The following KCNIP4 variants were observed in gnomAD, a reference collection of about 807,000 sequenced individuals.
The protein encoded by KCNIP4 is Kv channel-interacting protein 4.
KCNIP4 carries 12 observed loss-of-function variants against 34.0 expected under a neutral mutation model. That is an observed-to-expected ratio of 0.35 (90% CI 0.23 to 0.57). The LOEUF (loss-of-function observed/expected upper bound fraction) is 0.57, where lower values mean the gene tolerates loss of function less well. KCNIP4 is among the 20% of genes least tolerant of loss of function. The pLI is 0.83. For synonymous variants in KCNIP4, 124 were observed against 102.2 expected (o/e 1.21, Z -1.29); for missense variants, 238 against 311.7 (o/e 0.76, Z 1.78).
At chr4:21,279,697 T>C (rs1347579266) in intron 1 of KCNIP4, among the ~76,000 whole-genome samples, 1 of 152,048 alleles carries the variant, frequency 6.6e-6, no homozygotes, top group Non-Finnish European at 1.5e-5. Context: ...TAGATGGACC[T>C]CCCTGTTGAT....
chr4:21,003,916 A>G (rs1209508049), intron 1 of KCNIP4, among the ~76,000 whole-genome samples: 1 of 152,182 alleles, frequency 6.6e-6, no homozygotes, highest in East Asian at 1.9e-4. Context: ...GAACGATTAG[A>G]AATTCCATAT....
intron 1 of KCNIP4, among the ~76,000 whole-genome samples, chr4:20,971,584 A>G (rs1734957761): frequency 6.6e-6 from 1 of 152,220 alleles, no homozygotes; most frequent in African/African-American, 2.4e-5. Context: ...CTGTAATTTA[A>G]AAATACTTTA....
rs529896152 is a variant in KCNIP4 at position 21,315,889 on chromosome 4, C to T, written c.62-433180G>A. ...ATATTTCATTTTGCAGAATGAAATCCGAAGTCATGGCAAGGCATTCAAAAC... is the reference window on the plus strand; with the variant it reads ...ATATTTCATTTTGCAGAATGAAATCTGAAGTCATGGCAAGGCATTCAAAAC... On this transcript the variant is annotated intron_variant, in intron 1 of 8. Transcript: ENST00000382152. Among the ~76,000 whole-genome samples the T allele has an allele frequency of 1.4e-4, 21 of 152,186 alleles. No homozygotes were observed. The South Asian group carries it at 3.1e-3, about 23-fold the overall frequency.
chr4:21,071,293 G>T (rs184181704), intron 1 of KCNIP4, among the ~76,000 whole-genome samples: 1 of 152,056 alleles, frequency 6.6e-6, no homozygotes, highest in Non-Finnish European at 1.5e-5. Context: ...TAAGATTGAG[G>T]TTCATTCTGT....
intron 1 of KCNIP4, among the ~76,000 whole-genome samples, chr4:21,806,374 T>C (rs1279814039): frequency 6.6e-6 from 1 of 152,208 alleles, no homozygotes; most frequent in African/African-American, 2.4e-5. Context: ...TTGAATTATT[T>C]CAACAGTGAC....
At chr4:21,298,321 T>C (rs554531157) in intron 1 of KCNIP4, among the ~76,000 whole-genome samples, 22 of 152,268 alleles carry the variant, frequency 1.4e-4, no homozygotes, top group South Asian at 1.2e-3. Flanking sequence ...TAAAACCCAA[T>C]TGATGCTTGT....
intron 1 of KCNIP4, among the ~76,000 whole-genome samples, chr4:21,680,410 A>C (rs1750255112): frequency 6.6e-6 from 1 of 152,136 alleles, no homozygotes; most frequent in South Asian, 2.1e-4. Context: ...GAACCTCTCA[A>C]AGTCACCCAT....
chr4:20,742,331 A>G (rs1156929263), intron 5 of KCNIP4, among the ~76,000 whole-genome samples: 1 of 152,188 alleles, frequency 6.6e-6, no homozygotes, highest in Non-Finnish European at 1.5e-5. Context: ...AAATATTAGC[A>G]AACCGAATCC....
At chr4:20,816,860 T>C (rs1000975234) in intron 3 of KCNIP4, among the ~76,000 whole-genome samples, 1 of 152,224 alleles carries the variant, frequency 6.6e-6, no homozygotes, top group African/African-American at 2.4e-5. Context: ...CTCAATCAGC[T>C]ATTCTGTTTC....
intron 1 of KCNIP4, among the ~76,000 whole-genome samples, chr4:21,681,898 A>T (rs71607090): frequency 0.25 from 37,491 of 150,034 alleles, 5,994 homozygotes; most frequent in African/African-American, 0.46. Flanking sequence ...TTATTTATTT[A>T]TTTTTTTTGA....
intron 4 of KCNIP4, among the ~76,000 whole-genome samples, chr4:20,753,379 C>T (rs1480385366): frequency 2.0e-5 from 3 of 152,130 alleles, no homozygotes; most frequent in African/African-American, 7.2e-5. Context: ...AAGTAAACTA[C>T]TCGAGGTTAC....
chr4:21,169,079 G>A (rs116510543), intron 1 of KCNIP4, among the ~76,000 whole-genome samples: 1,539 of 152,288 alleles, frequency 0.01, 28 homozygotes, highest in African/African-American at 0.035. Context: ...GTGAAGAGTT[G>A]ATGTACGTGC....
chr4:21,477,371 TA>T (rs1180909596), intron 1 of KCNIP4, among the ~76,000 whole-genome samples: 1 of 152,148 alleles, frequency 6.6e-6, no homozygotes, highest in Non-Finnish European at 1.5e-5. Context: ...TAGGTCTTGA[TA>T]AAAATATTAA....
chr4:20,870,278 G>A lies in KCNIP4; in HGVS notation c.163+12330C>T, dbSNP rs374574174. Reference sequence around the variant, plus strand: ...TCTTGTGATAGTGAGTGAATTCTCAGGAGATCTAGTTGTTAAAAGTGTGTA... The same window carrying A: ...TCTTGTGATAGTGAGTGAATTCTCAAGAGATCTAGTTGTTAAAAGTGTGTA... On this transcript the variant is annotated intron_variant, in intron 2 of 8. Coordinates refer to ENST00000382152, the MANE Select transcript of KCNIP4 (RefSeq NM_025221.6). Among the ~76,000 whole-genome samples the A allele has an allele frequency of 8.7e-4, 133 of 152,054 alleles. 1 individual carries two copies. Among genetic ancestry groups the A allele is most frequent in the African/African-American group, 3.0e-3 (126 of 41,486 alleles).
intron 1 of KCNIP4, among the ~76,000 whole-genome samples, chr4:21,660,456 T>G (rs1378118546): frequency 6.6e-6 from 1 of 152,212 alleles, no homozygotes; most frequent in Non-Finnish European, 1.5e-5. Flanking sequence ...AACATATTTT[T>G]ACTTTCCATT....
intron 1 of KCNIP4, among the ~76,000 whole-genome samples, chr4:21,470,452 T>C (rs913112972): frequency 6.6e-6 from 1 of 152,172 alleles, no homozygotes; most frequent in Non-Finnish European, 1.5e-5. Flanking sequence ...AACATGCTAC[T>C]CTCTGTTCTA....
At chr4:21,265,541 G>C (rs1280485338) in intron 1 of KCNIP4, among the ~76,000 whole-genome samples, 1 of 152,156 alleles carries the variant, frequency 6.6e-6, no homozygotes, top group Non-Finnish European at 1.5e-5. Flanking sequence ...AATGACAGGA[G>C]CCTTAAATAA....
chr4:21,269,736 G>A lies in KCNIP4; in HGVS notation c.62-387027C>T, dbSNP rs182895577. 6.6e-5 allele frequency among the ~76,000 whole-genome samples: 10 copies of A among 152,154 alleles called. No homozygotes were observed. In the South Asian group the frequency reaches 1.0e-3, roughly 16 times the overall value. ...TGCTGGGTGAATACTGCCACATCTC[G>A]ATAACCTAAATTAGAAATTTACAGG... On this transcript the variant is annotated intron_variant, in intron 1 of 8. Transcript: ENST00000382152.
At chr4:21,036,173 C>T (rs1050270868) in intron 1 of KCNIP4, among the ~76,000 whole-genome samples, 2 of 152,156 alleles carry the variant, frequency 1.3e-5, no homozygotes, top group Non-Finnish European at 2.9e-5. Context: ...TATGCTATGC[C>T]TTCTACATAT....
Sources: gnomAD v4.1 joint callset for allele counts (sites outside exome capture counted in the v4.1 genomes callset) on GRCh38, gnomAD v4.1.1 for gene constraint, MANE v1.5 for transcripts, NCBI Gene and HGNC (gene_info 2026-07-23, HGNC 2026-07-21) for gene names.